ASIC2: variants seen among roughly 807,000 people sequenced by gnomAD.
ASIC2 encodes acid-sensing ion channel 2.
In ASIC2, 25 loss-of-function variants were observed where a neutral mutation model predicts 57.3. The ratio of observed to expected loss-of-function variants is 0.44; its 90% CI spans 0.32 to 0.61. ASIC2 has a LOEUF of 0.61. Among genes scored for constraint, ASIC2 ranks in the 20% least tolerant of loss-of-function variants. The pLI is 0.06. For missense variants in ASIC2, 641 were observed against 738.1 expected (o/e 0.87, Z 1.52); for synonymous variants, 319 against 307.5 (o/e 1.04, Z -0.39).
At chr17:33,720,008 G>A (rs1909339326) in intron 1 of ASIC2, among the ~76,000 whole-genome samples, 1 of 152,282 alleles carries the variant, frequency 6.6e-6, no homozygotes, top group Non-Finnish European at 1.5e-5. Flanking sequence ...CAGCCCCTGA[G>A]TATCGGGGAA....
intron 1 of ASIC2, among the ~76,000 whole-genome samples, chr17:34,102,265 G>A (rs1035252070): frequency 1.3e-5 from 2 of 152,146 alleles, no homozygotes; most frequent in African/African-American, 4.8e-5. Flanking sequence ...AGGAGGCAGA[G>A]GTTGCAGTGA....
rs1003096674 is a variant in ASIC2, at chr17:33,013,859, G to A, written c.*106C>T. 3 of 1,019,872 alleles carry A rather than the reference G, an allele frequency of 2.9e-6. No individual in the cohort carries two copies. The highest frequency in any genetic ancestry group is 4.5e-6 in the Non-Finnish European group (3 of 669,568). 63.2% of individuals were successfully genotyped at this position (1,019,872 alleles called of 1,614,324 possible). On this transcript the variant is annotated 3_prime_UTR_variant, in exon 10 of 10. Coordinates refer to ENST00000225823, the MANE Select transcript of ASIC2 (RefSeq NM_183377.2). ...TGCAATGTGTGCATAGGGGGCTCTTGCTTCTTTCCAGCACTGGGGCCATCC... is the reference window on the plus strand; with the variant it reads ...TGCAATGTGTGCATAGGGGGCTCTTACTTCTTTCCAGCACTGGGGCCATCC...
chr17:33,275,525 G>A (rs1049479339), intron 1 of ASIC2, among the ~76,000 whole-genome samples: 4 of 152,154 alleles, frequency 2.6e-5, no homozygotes, highest in Non-Finnish European at 4.4e-5. Context: ...CCCTGGAAAG[G>A]GAGTGGGAAG....
intron 1 of ASIC2, among the ~76,000 whole-genome samples, chr17:34,148,181 A>C (rs888840265): frequency 6.6e-6 from 1 of 152,224 alleles, no homozygotes; most frequent in Non-Finnish European, 1.5e-5. Context: ...AGACACAGAC[A>C]TGCACATTCA....
chr17:33,099,941 G>A (rs2092204686), intron 2 of ASIC2: 1 of 152,170 alleles, frequency 6.6e-6, no homozygotes. Context: ...TTCTCTCAAT[G>A]AATTAAAAAA....
intron 1 of ASIC2, among the ~76,000 whole-genome samples, chr17:33,143,358 T>C (rs1031206741): frequency 6.6e-6 from 1 of 152,224 alleles, no homozygotes; most frequent in African/African-American, 2.4e-5. Context: ...TGAAAAGTAA[T>C]TATTACACCC....
chr17:33,608,209 C>A (rs1030149836), intron 1 of ASIC2, among the ~76,000 whole-genome samples: 5 of 152,112 alleles, frequency 3.3e-5, no homozygotes, highest in African/African-American at 1.2e-4. Flanking sequence ...TCCTTTAACT[C>A]TCCACGTTCC....
intron 1 of ASIC2, among the ~76,000 whole-genome samples, chr17:33,530,710 C>T (rs1424965873): frequency 6.6e-6 from 1 of 152,182 alleles, no homozygotes; most frequent in Non-Finnish European, 1.5e-5. Context: ...CATAGTCCTG[C>T]CTAGGGAGAC....
intron 1 of ASIC2, among the ~76,000 whole-genome samples, chr17:33,459,679 C>G (rs945765251): frequency 6.6e-6 from 1 of 152,214 alleles, no homozygotes; most frequent in Non-Finnish European, 1.5e-5. Context: ...GGTGGGAACA[C>G]CCCTTCGTCA....
At chr17:33,711,926 G>T (rs1909049303) in intron 1 of ASIC2, among the ~76,000 whole-genome samples, 1 of 152,134 alleles carries the variant, frequency 6.6e-6, no homozygotes. Context: ...CAGGAAATTA[G>T]TCTCTGACTT....
At chr17:33,022,104 G>A (rs113864955) in intron 6 of ASIC2, among the ~76,000 whole-genome samples, 3 of 152,170 alleles carry the variant, frequency 2.0e-5, no homozygotes, top group South Asian at 2.1e-4. Context: ...AGGGGCTGGC[G>A]AAGAGAGGAG....
intron 1 of ASIC2, among the ~76,000 whole-genome samples, chr17:33,157,839 C>T (rs1460543541): frequency 6.6e-6 from 1 of 152,214 alleles, no homozygotes; most frequent in African/African-American, 2.4e-5. Flanking sequence ...AAGTCAAAGC[C>T]ACATCCTCAC....
intron 1 of ASIC2, among the ~76,000 whole-genome samples, chr17:33,657,271 C>T (rs1474041455): frequency 6.6e-6 from 1 of 152,120 alleles, no homozygotes; most frequent in East Asian, 1.9e-4. Context: ...TGCAACACAC[C>T]GACTGGCTAC....
At chr17:33,815,506 T>C (rs571053008) in intron 1 of ASIC2, among the ~76,000 whole-genome samples, 68 of 152,330 alleles carry the variant, frequency 4.5e-4, no homozygotes, top group African/African-American at 1.6e-3. Context: ...AGGTCTTGAC[T>C]TAACTCACCC....
At chr17:33,657,329 C>T (rs1353259581) in intron 1 of ASIC2, among the ~76,000 whole-genome samples, 1 of 152,200 alleles carries the variant, frequency 6.6e-6, no homozygotes, top group Non-Finnish European at 1.5e-5. Context: ...AAACTTCCCA[C>T]TGCCTTTCTC....
intron 1 of ASIC2, among the ~76,000 whole-genome samples, chr17:33,994,153 T>A (rs532706148): frequency 6.6e-6 from 1 of 152,316 alleles, no homozygotes; most frequent in South Asian, 2.1e-4. Context: ...TGTCTGAGGC[T>A]GGTGTATCAG....
At chr17:33,031,477 T>C (rs1017122115) in intron 3 of ASIC2, among the ~76,000 whole-genome samples, 2 of 152,186 alleles carry the variant, frequency 1.3e-5, no homozygotes, top group African/African-American at 4.8e-5. Context: ...TTCTTAAACA[T>C]TTATTGAGAT....
At chr17:34,060,589 A>T (rs2189328) in intron 1 of ASIC2, among the ~76,000 whole-genome samples, 72,709 of 151,908 alleles carry the variant, frequency 0.48, 20,497 homozygotes, top group Non-Finnish European at 0.62. Context: ...CCAAGGAAAT[A>T]AAAAAAATGA....
chr17:33,778,033 G>T (rs73984611), intron 1 of ASIC2, among the ~76,000 whole-genome samples: 11,842 of 152,070 alleles, frequency 0.078, 529 homozygotes, highest in East Asian at 0.22. Context: ...TGGGCCTTCC[G>T]CTGGGAAATA....
Sources: gnomAD v4.1 joint callset for allele counts (sites outside exome capture counted in the v4.1 genomes callset) on GRCh38, gnomAD v4.1.1 for gene constraint, MANE v1.5 for transcripts, NCBI Gene and HGNC (gene_info 2026-07-23, HGNC 2026-07-21) for gene names.